AXIN1: variants seen among roughly 807,000 people sequenced by gnomAD.
The protein encoded by AXIN1 is axin 1, also known as axin-1.
AXIN1 carries 30 observed loss-of-function variants against 76.4 expected under a neutral mutation model. The observed-to-expected ratio is 0.39, with a 90% CI of 0.29 to 0.53. The LOEUF is 0.53. Among genes scored for constraint, AXIN1 ranks in the 20% least tolerant of loss-of-function variants. The pLI, the probability that AXIN1 is intolerant of heterozygous loss-of-function variation, is 0.66. For synonymous variants in AXIN1, 545 were observed against 501.4 expected (o/e 1.09, Z -1.16); for missense variants, 1,140 against 1,198.8 (o/e 0.95, Z 0.72).
At chr16:327,394 C>T (rs2053607015) in intron 2 of AXIN1, among the ~76,000 whole-genome samples, 1 of 152,208 alleles carries the variant, frequency 6.6e-6, no homozygotes, top group Admixed American at 6.5e-5. Flanking sequence ...AGTCACCAGG[C>T]ACCAGGCAGG....
At chr16:342,904 G>T (rs1039851620) in intron 2 of AXIN1, among the ~76,000 whole-genome samples, 2 of 152,272 alleles carry the variant, frequency 1.3e-5, no homozygotes, top group African/African-American at 4.8e-5. Context: ...GTTGGGCTCA[G>T]GTGGGTGGGT....
intron 2 of AXIN1, among the ~76,000 whole-genome samples, chr16:329,153 C>G (rs938323574): frequency 6.6e-6 from 1 of 151,544 alleles, no homozygotes; most frequent in Admixed American, 6.6e-5. Context: ...TGGTGTGCAC[C>G]TGTAATCCCA....
chr16:307,299 G>A (rs767932573), intron 4 of AXIN1, among the ~76,000 whole-genome samples: 73 of 152,210 alleles, frequency 4.8e-4, no homozygotes, highest in African/African-American at 7.7e-4. Flanking sequence ...GCGTCACCAC[G>A]GTTCTGAGAA....
chr16:288,893 C>T (rs1458896550), intron 10 of AXIN1, among the ~76,000 whole-genome samples: 1 of 152,202 alleles, frequency 6.6e-6, no homozygotes, highest in Non-Finnish European at 1.5e-5. Flanking sequence ...AGGTTCAGAC[C>T]ATCGTCGTCT....
At chr16:312,865 TG>T (rs2053214190) in intron 3 of AXIN1, among the ~76,000 whole-genome samples, 2 of 152,214 alleles carry the variant, frequency 1.3e-5, no homozygotes, top group Admixed American at 1.3e-4. Context: ...ATTCAGGTTT[TG>T]GAAAAATGTT....
Position 287,464 on chromosome 16 carries a change from C to CATTA in AXIN1, c.*654_*657dup. 1 of 415,894 alleles carries CATTA rather than the reference C, an allele frequency of 2.4e-6. No individual in the cohort carries two copies. Among genetic ancestry groups the CATTA allele is most frequent in the South Asian group, 4.3e-5 (1 of 23,304 alleles). 25.8% of individuals were successfully genotyped at this position (415,894 alleles called of 1,614,324 possible). ...GGCAGGTTCAAAAACAGTTTTATTTCATTATTATCCAAGTACCTTTGAAAA... is the reference window on the plus strand; with the variant it reads ...GGCAGGTTCAAAAACAGTTTTATTTCATTAATTATTATCCAAGTACCTTTGAAAA... On this transcript the variant is annotated 3_prime_UTR_variant, in exon 11 of 11. Transcript: ENST00000262320.
chr16:289,079 C>CTTT (rs1242070094), intron 10 of AXIN1, among the ~76,000 whole-genome samples: 1 of 137,540 alleles, frequency 7.3e-6, no homozygotes. Context: ...AGCCCTTTTT[C>CTTT]TTCTTTTTTT....
At chr16:315,977 C>CG (rs2053293515) in intron 2 of AXIN1, among the ~76,000 whole-genome samples, 1 of 151,422 alleles carries the variant, frequency 6.6e-6, no homozygotes, top group Non-Finnish European at 1.5e-5. Context: ...CGCTTGAACC[C>CG]GGGAGGCAGA....
chr16:307,607 T>C (rs1435237655), intron 4 of AXIN1, among the ~76,000 whole-genome samples: 1 of 152,266 alleles, frequency 6.6e-6, no homozygotes, highest in South Asian at 2.1e-4. Flanking sequence ...CCAACTCTGA[T>C]GGGCAGGTGT....
intron 2 of AXIN1, among the ~76,000 whole-genome samples, chr16:341,042 C>T (rs1333849241): frequency 6.6e-6 from 1 of 152,272 alleles, no homozygotes; most frequent in African/African-American, 2.4e-5. Flanking sequence ...CACCCGAGGG[C>T]TGGCCCTCCT....
Position 316,759 on chromosome 16 carries a change from G to A in AXIN1, c.879-2076C>T, listed in dbSNP as rs567025257. Among the ~76,000 whole-genome samples, 9 of 152,248 alleles carry A rather than the reference G, an allele frequency of 5.9e-5. No individual in the cohort carries two copies. In the South Asian group the frequency reaches 1.9e-3, roughly 32 times the overall value. ...GTGCACCCTTACAATCATTCCATTT[G>A]ATTCACAATTTTTTTAGTCTCTACT... On this transcript the variant is annotated intron_variant, in intron 2 of 10. Coordinates refer to ENST00000262320, the MANE Select transcript of AXIN1 (RefSeq NM_003502.4).
At chr16:317,292 C>T (rs1304916547) in intron 2 of AXIN1, among the ~76,000 whole-genome samples, 3 of 152,160 alleles carry the variant, frequency 2.0e-5, no homozygotes. Context: ...CTGCACGGGG[C>T]CATTTCCCCT....
chr16:297,153 G>A lies in AXIN1; in HGVS notation c.1858C>T (p.Pro620Ser), dbSNP rs2052732906. Residue 620 changes from proline to serine, a missense_variant, in exon 7 of 11, where the codon CCA (proline) becomes TCA (serine). By Grantham distance (74) the Pro-to-Ser change is moderately conservative. Around this residue, in one of 3 missense-constraint regions of AXIN1, gnomAD observed 429 missense variants for 405.8 expected, o/e 1.06. Transcript: ENST00000262320. ...TTCTCCGCATCCTCCGAGGCACCTG[G>A]CACCTCGGTGCTGGCGCTCTTCCCC... ...ESGKSASTEV[P>S]GASEDAEKNQ... 2 of 1,612,166 alleles carry A rather than the reference G, an allele frequency of 1.2e-6. No homozygotes were observed. The highest frequency in any genetic ancestry group is 1.3e-5 in the African/African-American group (1 of 74,912).
At chr16:342,294 G>A (rs1021684609) in intron 2 of AXIN1, among the ~76,000 whole-genome samples, 4 of 152,304 alleles carry the variant, frequency 2.6e-5, no homozygotes, top group African/African-American at 2.4e-5. Flanking sequence ...AACAAACTCC[G>A]GACAGGCCGC....
rs2052613876 is a variant in AXIN1, at chr16:293,104, C to T, written c.2186+384G>A. On this transcript the variant is annotated intron_variant, in intron 8 of 10. Coordinates refer to ENST00000262320, the MANE Select transcript of AXIN1 (RefSeq NM_003502.4). The surrounding 1 kb of genome is among the most constrained non-coding windows in gnomAD (Gnocchi z 4.6). ...TGGGACGCAACTGTCAAGAGGCAGC[C>T]GCCATGCCTCCAGGACCTCTGCCCT... 1 of 293,040 alleles carries T rather than the reference C, an allele frequency of 3.4e-6. No homozygotes were observed. Among genetic ancestry groups the T allele is most frequent in the Non-Finnish European group, 6.5e-6 (1 of 154,110 alleles). 18.2% of individuals were successfully genotyped at this position (293,040 alleles called of 1,614,324 possible).
chr16:289,120 G>A (rs1044952128), intron 10 of AXIN1, among the ~76,000 whole-genome samples: 60 of 150,098 alleles, frequency 4.0e-4, no homozygotes, highest in Non-Finnish European at 7.2e-4. Context: ...ACAGAGTCTC[G>A]CTCTGTCACC....
At chr16:290,711 TGGGAG>T in intron 9 of AXIN1, 2 of 294,316 alleles carry the variant, frequency 6.8e-6, no homozygotes, top group Non-Finnish European at 1.4e-5. Context: ...GCATTGTAGG[TGGGAG>T]CAGAGCCCCG....
intron 1 of AXIN1, among the ~76,000 whole-genome samples, chr16:351,971 AC>A (rs974272852): frequency 1.1e-4 from 17 of 152,146 alleles, no homozygotes; most frequent in African/African-American, 3.6e-4. Context: ...CCTGGAGGGT[AC>A]GGACGCCGGA....
Position 287,949 on chromosome 16 carries a change from G to A in AXIN1, c.*173C>T. ...CCTTGGGGGCAGGACAGAAGCTTGTGGACCACTTGGAGGGACCCCCTACCT... is the reference window on the plus strand; with the variant it reads ...CCTTGGGGGCAGGACAGAAGCTTGTAGACCACTTGGAGGGACCCCCTACCT... On this transcript the variant is annotated 3_prime_UTR_variant, in exon 11 of 11. Coordinates refer to ENST00000262320, the MANE Select transcript of AXIN1 (RefSeq NM_003502.4). 2 of 1,061,448 alleles carry A rather than the reference G, an allele frequency of 1.9e-6. No homozygotes were observed. The highest frequency in any genetic ancestry group is 2.8e-6 in the Non-Finnish European group (2 of 705,056). 65.8% of individuals were successfully genotyped at this position (1,061,448 alleles called of 1,614,324 possible).
Sources: allele counts gnomAD v4.1 joint callset (sites outside exome capture counted in the v4.1 genomes callset), GRCh38; gene constraint gnomAD v4.1.1; regional missense constraint gnomAD v4.1.1; non-coding constraint Gnocchi (gnomAD v3.1); transcripts MANE v1.5; gene names NCBI Gene and HGNC (gene_info 2026-07-23, HGNC 2026-07-21).